The following NDUFAF6 variants were observed in gnomAD, a reference collection of about 807,000 sequenced individuals.
The protein encoded by NDUFAF6 is NADH:ubiquinone oxidoreductase complex assembly factor 6, also known as NADH dehydrogenase (ubiquinone) complex I, assembly factor 6.
Under a neutral mutation model 40.8 loss-of-function variants are expected in NDUFAF6, and 45 were observed. That is an observed-to-expected ratio of 1.10 (90% CI 0.87 to 1.42). NDUFAF6 has a LOEUF of 1.42. Ranked by LOEUF, NDUFAF6 falls within the 40% of genes most tolerant of loss-of-function variation. The pLI is 0.00. For missense variants in NDUFAF6, 435 were observed against 418.5 expected (o/e 1.04, Z -0.34); for synonymous variants, 185 against 155.9 (o/e 1.19, Z -1.39).
At chr8:95,093,670 GA>G (rs1231352864) in intron 2 of NDUFAF6, among the ~76,000 whole-genome samples, 1 of 152,200 alleles carries the variant, frequency 6.6e-6, no homozygotes, top group African/African-American at 2.4e-5. Context: ...AGGCAAATTG[GA>G]AGTGTCCTGG....
intron 2 of NDUFAF6, among the ~76,000 whole-genome samples, chr8:95,093,965 T>G (rs147261869): frequency 1.4e-4 from 21 of 152,268 alleles, no homozygotes; most frequent in Non-Finnish European, 2.9e-4. Flanking sequence ...AAATAAATAC[T>G]TCCTTTTTTT....
At chr8:94,903,623 G>A (rs554392242) in intron 1 of NDUFAF6, among the ~76,000 whole-genome samples, 57 of 152,112 alleles carry the variant, frequency 3.7e-4, no homozygotes, top group Non-Finnish European at 7.1e-4. Flanking sequence ...TGGCATCTTG[G>A]GTTCGGGGGG....
intron 3 of NDUFAF6, among the ~76,000 whole-genome samples, chr8:95,039,439 G>A (rs367555986): frequency 6.7e-6 from 1 of 150,260 alleles, no homozygotes; most frequent in Admixed American, 6.6e-5. Flanking sequence ...GCGACAAAGC[G>A]AGACTCTGTC....
upstream of NDUFAF6, among the ~76,000 whole-genome samples, chr8:95,098,867 C>T (rs547188359): frequency 7.5e-5 from 11 of 146,550 alleles, no homozygotes; most frequent in South Asian, 2.2e-4. Context: ...GGTTGCAGTG[C>T]GCCAAGATCG....
At chr8:95,087,866 C>A (rs1809100537) in intron 2 of NDUFAF6, 1 of 152,330 alleles carries the variant, frequency 6.6e-6, no homozygotes, top group Non-Finnish European at 1.5e-5. Flanking sequence ...CCCTTCAGGG[C>A]CGGGGAGTGG....
At chr8:94,935,100 T>C (rs1199732197) in intron 1 of NDUFAF6, among the ~76,000 whole-genome samples, 1 of 149,176 alleles carries the variant, frequency 6.7e-6, no homozygotes, top group Non-Finnish European at 1.5e-5. Context: ...GGTAGGTAGG[T>C]AGGTAGGTAG....
chr8:95,083,028 G>C (rs1214296781), intron 2 of NDUFAF6, among the ~76,000 whole-genome samples: 1 of 152,046 alleles, frequency 6.6e-6, no homozygotes, highest in African/African-American at 2.4e-5. Flanking sequence ...CAGTCCTCCC[G>C]TCTCAGCCTC....
At position 95,025,058 on chromosome 8, in the gene NDUFAF6, T is replaced by A. The variant is rs548051817; in HGVS notation, c.50T>A (p.Ile17Asn). The change falls in exon 1 of 9, where the codon ATC (isoleucine) becomes AAC (asparagine). Residue 17 changes from isoleucine (I) to asparagine (N), a missense_variant. By Grantham distance (149) the Ile-to-Asn change is moderately radical. Transcript: ENST00000396124. The stretch of plus-strand genomic sequence containing the variant: ...GTCTGGGGGCCGTTGCGGCTTGGCA[T>A]CCCCGGCCTGTGCTGCCGCCGGCCG... ...GSVWGPLRLG[I>N]PGLCCRRPPL... 4.9e-6 allele frequency: 7 copies of A among 1,428,738 alleles called. No homozygotes were observed. The highest frequency in any genetic ancestry group is 6.3e-6 in the Non-Finnish European group (7 of 1,103,054). 88.5% of individuals were successfully genotyped at this position (1,428,738 alleles called of 1,614,324 possible).
intron 2 of NDUFAF6, among the ~76,000 whole-genome samples, chr8:95,084,010 A>T (rs1808961825): frequency 6.6e-6 from 1 of 152,236 alleles, no homozygotes. Context: ...CTGAAAAAAA[A>T]TGTGTCACAT....
At chr8:95,118,043 C>G (rs145223387), downstream of NDUFAF6, among the ~76,000 whole-genome samples, 1 of 152,308 alleles carries the variant, frequency 6.6e-6, no homozygotes, top group African/African-American at 2.4e-5. Context: ...CAGGTGTTGA[C>G]TGGAGCTGCA....
chr8:94,913,776 G>C (rs963628318), intron 1 of NDUFAF6, among the ~76,000 whole-genome samples: 5 of 152,178 alleles, frequency 3.3e-5, no homozygotes, highest in African/African-American at 4.8e-5. Context: ...TCCAGTCTTG[G>C]TGACAGAGCG....
At chr8:95,098,559 A>G (rs2132073585), upstream of NDUFAF6, among the ~76,000 whole-genome samples, 1 of 152,348 alleles carries the variant, frequency 6.6e-6, no homozygotes, top group African/African-American at 2.4e-5. Context: ...TCTCCCAGCT[A>G]GTCAGGGGGC....
chr8:95,017,880 C>G (rs1345683651), intron 2 of NDUFAF6, among the ~76,000 whole-genome samples: 5 of 152,164 alleles, frequency 3.3e-5, no homozygotes, highest in Non-Finnish European at 7.3e-5. Context: ...TGATGACATC[C>G]TTTGAAGAAA....
chr8:94,903,141 A>G (rs1044325376), intron 1 of NDUFAF6, among the ~76,000 whole-genome samples: 2 of 152,152 alleles, frequency 1.3e-5, no homozygotes, highest in African/African-American at 4.8e-5. Context: ...AGGTGGAAAC[A>G]GGAGGATCGA....
chr8:94,977,007 C>T (rs1825005483), intron 1 of NDUFAF6, among the ~76,000 whole-genome samples: 1 of 151,688 alleles, frequency 6.6e-6, no homozygotes, highest in African/African-American at 2.4e-5. Context: ...AAAAATTAGC[C>T]AAGCGTGGTG....
intron 2 of NDUFAF6, among the ~76,000 whole-genome samples, chr8:95,094,998 C>A (rs556989221): frequency 4.6e-5 from 7 of 151,974 alleles, no homozygotes; most frequent in African/African-American, 1.7e-4. Flanking sequence ...AACTACTGGC[C>A]TCAAACTATC....
chr8:95,004,905 T>C (rs1586948179), intron 2 of NDUFAF6, among the ~76,000 whole-genome samples: 2 of 152,208 alleles, frequency 1.3e-5, no homozygotes, highest in East Asian at 1.9e-4. Context: ...TGGTACTCAA[T>C]AAATATTGGT....
In NDUFAF6 at chr8:94,981,116, G is replaced by T. The variant is rs1825408401; in HGVS notation, c.-84+143G>T. ...GGACTCCAGTGTGACAGTATTGGGA[G>T]GTGGTGCCTTTAAGAGATGATTAGA... On this transcript the variant is annotated intron_variant, in intron 2 of 9. Transcript: ENST00000396111. 1.5e-5 allele frequency: 6 copies of T among 390,672 alleles called. No homozygotes were observed. The Admixed American group carries it at 1.7e-4, about 11-fold the overall frequency. 24.2% of individuals were successfully genotyped at this position (390,672 alleles called of 1,614,324 possible). A position where few individuals can be genotyped will look rare whatever the true frequency, so the allele number is the denominator to read the frequency against.
At chr8:95,046,690 A>T (rs1008248970) in intron 5 of NDUFAF6, among the ~76,000 whole-genome samples, 4 of 152,212 alleles carry the variant, frequency 2.6e-5, no homozygotes, top group African/African-American at 9.6e-5. Flanking sequence ...TGCACAGAGG[A>T]GAAGAAATGG....
Sources: allele counts gnomAD v4.1 joint callset (sites outside exome capture counted in the v4.1 genomes callset), GRCh38; gene constraint gnomAD v4.1.1; transcripts MANE v1.5; gene names NCBI Gene and HGNC (gene_info 2026-07-23, HGNC 2026-07-21).